Variants in ADCY8 observed in about 807,000 individuals in gnomAD.
ADCY8 encodes the protein adenylate cyclase type 8.
In ADCY8, 51 loss-of-function variants were observed where a neutral mutation model predicts 119.7. The ratio of observed to expected loss-of-function variants is 0.43; its 90% CI spans 0.34 to 0.54. The LOEUF (loss-of-function observed/expected upper bound fraction) is 0.54. Among genes scored for constraint, ADCY8 ranks in the 20% least tolerant of loss-of-function variants. The pLI is 0.03. For missense variants in ADCY8, 1,383 were observed against 1,598.8 expected, an observed-to-expected ratio of 0.87 and a Z score of 2.30; for synonymous variants, 665 against 651.0, an observed-to-expected ratio of 1.02 and a Z score of -0.33.
chr8:131,014,281 C>A (rs902309952), intron 1 of ADCY8, among the ~76,000 whole-genome samples: 2 of 152,130 alleles, frequency 1.3e-5, no homozygotes, highest in Non-Finnish European at 1.5e-5. Context: ...ATAAAATGTT[C>A]TTCCGAAATT....
intron 17 of ADCY8, among the ~76,000 whole-genome samples, chr8:130,781,782 A>G (rs898830867): frequency 1.3e-5 from 2 of 152,172 alleles, no homozygotes; most frequent in African/African-American, 2.4e-5. Context: ...ACTAGGAAGC[A>G]TAGAATTCTA....
chr8:130,814,305 C>T, intron 13 of ADCY8, 78 bp from the exon 14 acceptor site: 1 of 1,476,558 alleles, frequency 6.8e-7, no homozygotes, highest in Non-Finnish European at 9.3e-7. Context: ...AACTGGGAGG[C>T]AGGAAAGGCT....
intron 1 of ADCY8, among the ~76,000 whole-genome samples, chr8:130,994,422 C>T (rs535349708): frequency 8.5e-5 from 13 of 152,334 alleles, no homozygotes; most frequent in South Asian, 4.1e-4. Flanking sequence ...TCAATTTTAG[C>T]AGAATTCATG....
chr8:130,909,988 A>T, intron 5 of ADCY8, 122 bp from the exon 6 acceptor site: 1 of 886,058 alleles, frequency 1.1e-6, no homozygotes, highest in Admixed American at 2.8e-5. Flanking sequence ...CCCAGGCTGG[A>T]GTGCAATGGA....
chr8:130,980,575 G>C (rs557949457), intron 2 of ADCY8, among the ~76,000 whole-genome samples: 2 of 152,312 alleles, frequency 1.3e-5, no homozygotes, highest in South Asian at 2.1e-4. Context: ...GGAGAGGACG[G>C]GTAGTGTGAG....
intron 14 of ADCY8, among the ~76,000 whole-genome samples, chr8:130,809,328 C>G (rs556926503): frequency 6.6e-6 from 1 of 152,154 alleles, no homozygotes; most frequent in Non-Finnish European, 1.5e-5. Context: ...GTTTCTTCAT[C>G]TAGAAAATGG....
chr8:130,884,538 G>C, intron 8 of ADCY8, 26 bp downstream of exon 8: 2 of 1,611,872 alleles, frequency 1.2e-6, no homozygotes, highest in Non-Finnish European at 8.5e-7. Flanking sequence ...CTCAGAAAAA[G>C]AGCCGCTGTG....
At chr8:130,862,879 T>C (rs1817987599) in intron 9 of ADCY8, among the ~76,000 whole-genome samples, 1 of 152,230 alleles carries the variant, frequency 6.6e-6, no homozygotes, top group Admixed American at 6.5e-5. Context: ...TTTCTTCTTT[T>C]AAATTTATGA....
intron 2 of ADCY8, among the ~76,000 whole-genome samples, chr8:130,977,582 T>C (rs1822110358): frequency 6.6e-6 from 1 of 152,236 alleles, no homozygotes; most frequent in Non-Finnish European, 1.5e-5. Flanking sequence ...AAATATGGAC[T>C]ACACCACTGC....
intron 12 of ADCY8, among the ~76,000 whole-genome samples, chr8:130,822,363 A>G (rs1476791779): frequency 1.3e-5 from 2 of 152,176 alleles, no homozygotes; most frequent in Non-Finnish European, 2.9e-5. Flanking sequence ...TAAATGTCAT[A>G]TATCATGTTT....
At chr8:130,947,701 A>G (rs183426423) in intron 3 of ADCY8, among the ~76,000 whole-genome samples, 186 of 152,344 alleles carry the variant, frequency 1.2e-3, no homozygotes, top group Admixed American at 2.1e-3. Flanking sequence ...GGTCACTAAA[A>G]TATCTACCAT....
At chr8:131,015,457 C>A (rs1366144606) in intron 1 of ADCY8, among the ~76,000 whole-genome samples, 2 of 152,150 alleles carry the variant, frequency 1.3e-5, no homozygotes, top group Admixed American at 6.5e-5. Context: ...CCATTATCAA[C>A]AAACATTTGC....
chr8:130,799,632 G>A (rs1472750634), intron 15 of ADCY8, among the ~76,000 whole-genome samples: 3 of 152,206 alleles, frequency 2.0e-5, no homozygotes, highest in Non-Finnish European at 4.4e-5. Flanking sequence ...GGAAATGCCT[G>A]GGAGGCTAGG....
chr8:130,923,715 T>C (rs1820381668), intron 5 of ADCY8, among the ~76,000 whole-genome samples: 1 of 152,218 alleles, frequency 6.6e-6, no homozygotes. Context: ...ATCTATGTAA[T>C]AGAATCTATT....
chr8:130,814,223 T>C lies in ADCY8; in HGVS notation c.2759A>G (p.Glu920Gly), dbSNP rs767009483. 1 of 1,613,992 alleles carries C rather than the reference T, an allele frequency of 6.2e-7. No homozygotes were observed. Among genetic ancestry groups the C allele is most frequent in the South Asian group, 1.1e-5 (1 of 91,066 alleles). The change falls in exon 14 of 18, where the codon GAG becomes GGG. Residue 920 changes from glutamate to glycine, a missense_variant. By Grantham distance (98) the Glu-to-Gly change is moderately conservative (BLOSUM62 -2). This residue lies in a region of ADCY8 where 928 missense variants were observed against 1,163.5 expected (regional missense o/e 0.80). Coordinates refer to ENST00000286355, the MANE Select transcript of ADCY8 (RefSeq NM_001115.3). ...AAGGAAGTCCAGGCGGGCTGTGTACTCCAGCTGCAGTACATGTGAGAGAAA... is the reference window on the plus strand; with the variant it reads ...AAGGAAGTCCAGGCGGGCTGTGTACCCCAGCTGCAGTACATGTGAGAGAAA... Reference protein sequence around the residue: ...LAVFYHGQQLEYTARLDFLWR... With the variant: ...LAVFYHGQQLGYTARLDFLWR...
At position 130,796,401 on chromosome 8, in the gene ADCY8, G is replaced by T. The variant is rs554572939; in HGVS notation, c.3060+4025C>A. On this transcript the variant is annotated intron_variant, in intron 15 of 17. Coordinates refer to ENST00000286355, the MANE Select transcript of ADCY8 (RefSeq NM_001115.3). ...GGGCTGTGGGATGAGGAGCCCTTGAGTTGGGTTATTGCAAACACAGTCTTG... is the reference window on the plus strand; with the variant it reads ...GGGCTGTGGGATGAGGAGCCCTTGATTTGGGTTATTGCAAACACAGTCTTG... Among the ~76,000 whole-genome samples the T allele has an allele frequency of 3.3e-5, 5 of 152,290 alleles. No homozygotes were observed. The East Asian group carries it at 9.7e-4, about 29-fold the overall frequency.
intron 7 of ADCY8, among the ~76,000 whole-genome samples, chr8:130,903,463 G>GA (rs1563721681): frequency 2.6e-5 from 2 of 75,912 alleles, no homozygotes; most frequent in African/African-American, 1.1e-4. Context: ...CAACATGAGT[G>GA]GTTTTTTTTT....
chr8:131,021,691 C>A lies in ADCY8; in HGVS notation c.960+17683G>T, dbSNP rs141647517. ...CGAGATCTGATGGTTTTATAAGGGG[C>A]TTTTCCCTCTTTTGCTTGGCACTTC... is the stretch of plus-strand genomic sequence containing the variant. On this transcript the variant is annotated intron_variant, in intron 1 of 17. Transcript: ENST00000286355. 2.8e-3 allele frequency among the ~76,000 whole-genome samples: 430 copies of A among 152,198 alleles called. 2 individuals carry two copies. Among genetic ancestry groups the A allele is most frequent in the African/African-American group, 0.01 (417 of 41,540 alleles).
intron 1 of ADCY8, among the ~76,000 whole-genome samples, chr8:131,014,131 G>C (rs1330721352): frequency 6.6e-6 from 1 of 152,158 alleles, no homozygotes; most frequent in Non-Finnish European, 1.5e-5. Flanking sequence ...ATAGAGAATA[G>C]AGTGGCTTAA....
Sources: allele counts gnomAD v4.1 joint callset (sites outside exome capture counted in the v4.1 genomes callset), GRCh38; gene constraint gnomAD v4.1.1; regional missense constraint gnomAD v4.1.1; transcripts MANE v1.5; gene names NCBI Gene and HGNC (gene_info 2026-07-23, HGNC 2026-07-21).